The following DOCK4 variants were observed in gnomAD, a reference collection of about 807,000 sequenced individuals.
DOCK4 encodes dedicator of cytokinesis 4.
In DOCK4, 97 loss-of-function variants were observed where a neutral mutation model predicts 268.1. The observed-to-expected ratio is 0.36, with a 90% confidence interval of 0.31 to 0.43. The LOEUF is 0.43. Among genes scored for constraint, DOCK4 ranks in the 20% least tolerant of loss-of-function variants. The pLI, the probability that DOCK4 is intolerant of heterozygous loss-of-function variation, is 1.00. For missense variants in DOCK4, 2,145 were observed against 2,455.7 expected (o/e 0.87, Z 2.67); for synonymous variants, 954 against 887.2 (o/e 1.08, Z -1.34).
chr7:112,080,926 G>A (rs967919249), intron 1 of DOCK4, among the ~76,000 whole-genome samples: 2 of 151,886 alleles, frequency 1.3e-5, no homozygotes, highest in East Asian at 3.9e-4. Context: ...AGATTTGTGG[G>A]GTATGAGGAA....
rs1377776162 is a variant in DOCK4, at chr7:111,744,606, C to CA, written c.4677+1727dup. Among the ~76,000 whole-genome samples the CA allele has an allele frequency of 3.9e-5, 6 of 152,192 alleles. No homozygotes were observed. The East Asian group carries it at 1.2e-3, about 29-fold the overall frequency. ...ACCATTTAATTCTGGGGAAATAATT[C>CA]AGTCAGGCTGAATCCAGCAGATACA... On this transcript the variant is annotated intron_variant, in intron 44 of 52. Coordinates refer to ENST00000428084, the MANE Select transcript of DOCK4 (RefSeq NM_001363540.2).
intron 13 of DOCK4, among the ~76,000 whole-genome samples, chr7:111,907,660 G>A (rs1232605165): frequency 1.3e-5 from 2 of 152,176 alleles, no homozygotes; most frequent in Non-Finnish European, 2.9e-5. Context: ...TAAGCGGTGT[G>A]GGGGTCCAGT....
intron 1 of DOCK4, among the ~76,000 whole-genome samples, chr7:112,113,902 T>C (rs917825160): frequency 2.6e-5 from 4 of 151,918 alleles, no homozygotes; most frequent in African/African-American, 9.7e-5. Flanking sequence ...CCTGGATTTT[T>C]AGAAATGTGT....
chr7:112,018,179 A>AAAAAAAAAAAACACAC lies in DOCK4; in HGVS notation c.38-14049_38-14048insGTGTGTTTTTTTTTTT. On this transcript the variant is annotated intron_variant, in intron 1 of 52. Transcript: ENST00000428084. ...AAAAAAAAAAAAAAAAAAAAAAAAA[A>AAAAAAAAAAAACACAC]ACACAGGCAACCAGTATTCATGTGG... 1.7e-4 allele frequency among the ~76,000 whole-genome samples: 12 copies of AAAAAAAAAAAACACAC among 72,630 alleles called. 3 individuals carry two copies. The highest frequency in any genetic ancestry group is 4.3e-4 in the African/African-American group (8 of 18,512). 47.6% of individuals were successfully genotyped at this position (72,630 alleles called of 152,430 possible).
rs182616738 is a variant in DOCK4, at chr7:111,928,384, C to T, written c.1066+7156G>A. Among the ~76,000 whole-genome samples the T allele has an allele frequency of 2.8e-3, 428 of 152,238 alleles. 3 individuals carry two copies. Among genetic ancestry groups the T allele is most frequent in the African/African-American group, 9.9e-3 (413 of 41,546 alleles). On this transcript the variant is annotated intron_variant, in intron 12 of 52. Transcript: ENST00000428084. ...AGCTCATTTAGAAAATGAAATCAAG[C>T]TCTAATCACTACTTCCATTCACATC...
intron 1 of DOCK4, among the ~76,000 whole-genome samples, chr7:112,007,365 T>A (rs1800945266): frequency 6.6e-6 from 1 of 152,068 alleles, no homozygotes; most frequent in African/African-American, 2.4e-5. Flanking sequence ...TGAGGAATGG[T>A]GTCTAGGTTT....
chr7:112,182,341 A>G (rs758075916), intron 1 of DOCK4, among the ~76,000 whole-genome samples: 1 of 152,222 alleles, frequency 6.6e-6, no homozygotes, highest in Non-Finnish European at 1.5e-5. Context: ...CTTATATGGA[A>G]TGATCTCTCC....
At chr7:112,104,471 T>C (rs1586830442) in intron 1 of DOCK4, among the ~76,000 whole-genome samples, 1 of 152,144 alleles carries the variant, frequency 6.6e-6, no homozygotes, top group Admixed American at 6.5e-5. Flanking sequence ...TTAGGCATAA[T>C]TGCAGGCCAT....
At chr7:111,779,308 T>TA (rs1798650326) in intron 35 of DOCK4, among the ~76,000 whole-genome samples, 1 of 152,210 alleles carries the variant, frequency 6.6e-6, no homozygotes, top group Non-Finnish European at 1.5e-5. Context: ...TTATTGAAAA[T>TA]ATTTTGTTTC....
chr7:111,988,849 G>A (rs969990329), intron 6 of DOCK4, among the ~76,000 whole-genome samples, 166 bp downstream of exon 6: 1 of 152,130 alleles, frequency 6.6e-6, no homozygotes, highest in Non-Finnish European at 1.5e-5. Flanking sequence ...GAGAAGAAAT[G>A]GTTCTCGGCT....
intron 23 of DOCK4, among the ~76,000 whole-genome samples, chr7:111,853,453 G>A (rs1269227543): frequency 6.6e-6 from 1 of 152,214 alleles, no homozygotes; most frequent in African/African-American, 2.4e-5. Flanking sequence ...ATCAGAGCTG[G>A]GATGGGCCTC....
Position 111,784,087 on chromosome 7 carries a change from A to G in DOCK4, c.3428+10T>C. 6.3e-7 allele frequency: 1 copy of G among 1,580,896 alleles called. No homozygotes were observed. Among genetic ancestry groups the G allele is most frequent in the East Asian group, 2.3e-5 (1 of 44,402 alleles). On this transcript the variant is annotated intron_variant, in intron 33 of 52. Coordinates refer to ENST00000428084, the MANE Select transcript of DOCK4 (RefSeq NM_001363540.2). The stretch of plus-strand genomic sequence containing the variant: ...CTCACAAGTAGCACAATTTGCAAAC[A>G]ATGTCTTACCTAGGATAGGGACCAA...
At chr7:112,069,334 CAACT>C (rs1807369903) in intron 1 of DOCK4, among the ~76,000 whole-genome samples, 1 of 152,176 alleles carries the variant, frequency 6.6e-6, no homozygotes, top group African/African-American at 2.4e-5. Context: ...CTCACTCAAC[CAACT>C]ATTAATGAAA....
rs745783701 is a variant in DOCK4 at position 111,736,883 on chromosome 7, C to T, written c.5305+34G>A. ...AACATGAGGATAAAACAAGCCCTTACACATTCCAGGACTGACCATGGGGCT... is the reference window on the plus strand; with the variant it reads ...AACATGAGGATAAAACAAGCCCTTATACATTCCAGGACTGACCATGGGGCT... On this transcript the variant is annotated intron_variant, in intron 50 of 52. Transcript: ENST00000428084. 41 of 1,566,776 alleles carry T rather than the reference C, an allele frequency of 2.6e-5. No homozygotes were observed. The East Asian group carries it at 7.9e-4, about 30-fold the overall frequency.
intron 1 of DOCK4, among the ~76,000 whole-genome samples, chr7:112,110,815 C>T (rs1363363461): frequency 6.6e-6 from 1 of 152,182 alleles, no homozygotes; most frequent in Non-Finnish European, 1.5e-5. Flanking sequence ...GACTGGTGGT[C>T]AGCTGGAGGG....
chr7:111,957,441 A>G (rs1796531822), intron 8 of DOCK4, among the ~76,000 whole-genome samples: 2 of 152,176 alleles, frequency 1.3e-5, no homozygotes, highest in African/African-American at 4.8e-5. Context: ...GACTTTAGAA[A>G]TCCCAAAGTT....
At chr7:112,066,993 C>CAA (rs1426776080) in intron 1 of DOCK4, among the ~76,000 whole-genome samples, 3 of 149,242 alleles carry the variant, frequency 2.0e-5, no homozygotes, top group African/African-American at 7.5e-5. Context: ...CACACACACA[C>CAA]ACAAAAAAAC....
chr7:111,790,740 T>C (rs1195465495), intron 30 of DOCK4, 135 bp from the exon 31 acceptor site: 7 of 1,096,694 alleles, frequency 6.4e-6, no homozygotes, highest in African/African-American at 4.8e-5. Flanking sequence ...CAAGAAAATA[T>C]AATAACCCAT....
At chr7:112,075,594 A>G (rs1413428436) in intron 1 of DOCK4, among the ~76,000 whole-genome samples, 1 of 152,200 alleles carries the variant, frequency 6.6e-6, no homozygotes, top group Non-Finnish European at 1.5e-5. Flanking sequence ...GGCCATACTC[A>G]TTGGCAACAA....
Sources: gnomAD v4.1 joint callset for allele counts (sites outside exome capture counted in the v4.1 genomes callset) on GRCh38, gnomAD v4.1.1 for gene constraint, MANE v1.5 for transcripts, NCBI Gene and HGNC (gene_info 2026-07-23, HGNC 2026-07-21) for gene names.